Variants in ROPN1 observed in about 807,000 individuals in gnomAD.
ROPN1 encodes ropporin-1A.
ROPN1 carries 14 observed loss-of-function variants against 20.5 expected under a neutral mutation model. That is an observed-to-expected ratio of 0.68 (90% CI 0.45 to 1.07). ROPN1 has a LOEUF of 1.07. Ranked by LOEUF, ROPN1 falls within the 50% of genes least tolerant of loss-of-function variation. The pLI, the probability that ROPN1 is intolerant of heterozygous loss-of-function variation, is 0.00. For synonymous variants in ROPN1, 76 were observed against 95.7 expected, an observed-to-expected ratio of 0.79 and a Z score of 1.20; for missense variants, 169 against 242.8, an observed-to-expected ratio of 0.70 and a Z score of 2.02.
chr3:123,975,836 C>T (rs1369090485), intron 3 of ROPN1: 1 of 368,224 alleles, frequency 2.7e-6, no homozygotes, highest in African/African-American at 2.1e-5. Context: ...CTATTGTATT[C>T]CTAAATTGTT....
chr3:123,983,088 G>A (rs567127246), intron 1 of ROPN1, among the ~76,000 whole-genome samples: 1 of 152,044 alleles, frequency 6.6e-6, no homozygotes, highest in Non-Finnish European at 1.5e-5. Context: ...TGCACCACTG[G>A]CCCCAAGCTG....
chr3:123,979,642 T>C (rs1248551772), intron 2 of ROPN1: 1 of 372,278 alleles, frequency 2.7e-6, no homozygotes, highest in Admixed American at 3.7e-5. Flanking sequence ...AGGTCTCTCC[T>C]GAAAGAAGGC....
intron 2 of ROPN1, chr3:123,979,460 C>T: frequency 2.8e-6 from 1 of 356,186 alleles, no homozygotes; most frequent in South Asian, 2.1e-5. Context: ...GAAAATGGTC[C>T]GTGAGGTCTA....
At chr3:123,975,617 C>T (rs1279721569) in intron 3 of ROPN1, 77 bp from the exon 4 acceptor site, 2 of 613,546 alleles carry the variant, frequency 3.3e-6, no homozygotes, top group African/African-American at 4.5e-5. Flanking sequence ...ACCCTGTCCC[C>T]AGGCCAGGTC....
At chr3:123,972,686 T>C (rs1443403624) in intron 4 of ROPN1, among the ~76,000 whole-genome samples, 2 of 152,178 alleles carry the variant, frequency 1.3e-5, no homozygotes, top group Non-Finnish European at 2.9e-5. Flanking sequence ...AGAGTAAAAA[T>C]TCCTGTTACT....
intron 3 of ROPN1, among the ~76,000 whole-genome samples, chr3:123,976,283 C>T (rs2038020308): frequency 6.6e-6 from 1 of 152,166 alleles, no homozygotes; most frequent in African/African-American, 2.4e-5. Flanking sequence ...TCCTAAATCA[C>T]CCCAAACCGC....
At position 123,970,076 on chromosome 3, in the gene ROPN1, C is replaced by T. The variant is rs1553726073; in HGVS notation, c.538G>A (p.Val180Ile). 6.2e-7 allele frequency: 1 copy of T among 1,614,192 alleles called. No homozygotes were observed. The highest frequency in any genetic ancestry group is 8.5e-7 in the Non-Finnish European group (1 of 1,180,044). Residue 180 changes from valine to isoleucine, a missense_variant, in exon 5 of 6, where the codon GTC (valine) becomes ATC (isoleucine). By Grantham distance (29) the Val-to-Ile change is conservative. Around this residue, in one of 3 missense-constraint regions of ROPN1, gnomAD observed 82 missense variants for 100.1 expected, o/e 0.82. Transcript: ENST00000405845. Reference protein sequence around the residue: ...KVDGEISASHVSRMLNYMEQE... With the variant: ...KVDGEISASHISRMLNYMEQE... ...TCCATGTAGTTTAGCATCCTGCTGA[C>T]ATGTGATGCAGAGATCTCCCCATCC...
intron 1 of ROPN1, among the ~76,000 whole-genome samples, chr3:123,986,018 A>AAAAAT (rs201340337): frequency 0.019 from 1,744 of 93,920 alleles, 394 homozygotes; most frequent in African/African-American, 0.053. Flanking sequence ...AAAAAAAAAA[A>AAAAAT]TCAAAATATT....
chr3:123,973,590 C>G (rs2037955967), intron 4 of ROPN1, among the ~76,000 whole-genome samples: 1 of 152,192 alleles, frequency 6.6e-6, no homozygotes, highest in South Asian at 2.1e-4. Context: ...AACCTAGCAT[C>G]TACACCGTGG....
intron 2 of ROPN1, 176 bp downstream of exon 2, chr3:123,980,190 T>C: frequency 1.5e-6 from 1 of 649,930 alleles, no homozygotes. Flanking sequence ...CTTGCCCAGC[T>C]AGATGTAGCA....
At chr3:123,980,845 A>G (rs558106154) in intron 1 of ROPN1, 1 of 185,238 alleles carries the variant, frequency 5.4e-6, no homozygotes, top group Admixed American at 5.7e-5. Context: ...AAATAAGATT[A>G]TACAAAACAG....
chr3:123,976,797 T>C, intron 3 of ROPN1, 67 bp downstream of exon 3: 1 of 1,509,204 alleles, frequency 6.6e-7, no homozygotes, highest in Non-Finnish European at 9.0e-7. Context: ...AGAGGGCTTT[T>C]TGTCTGTACC....
At chr3:123,987,744 C>A (rs549778161) in intron 1 of ROPN1, among the ~76,000 whole-genome samples, 1 of 152,218 alleles carries the variant, frequency 6.6e-6, no homozygotes, top group Non-Finnish European at 1.5e-5. Flanking sequence ...TCCTACTTGA[C>A]CTTGTCCTTT....
chr3:123,988,658 C>G (rs2149004580), intron 1 of ROPN1, among the ~76,000 whole-genome samples: 1 of 152,238 alleles, frequency 6.6e-6, no homozygotes, highest in Non-Finnish European at 1.5e-5. Context: ...GCACTCTTGA[C>G]TGTGAGGCAG....
intron 2 of ROPN1, chr3:123,979,972 G>A: frequency 2.4e-6 from 1 of 408,398 alleles, no homozygotes; most frequent in Non-Finnish European, 4.4e-6. Context: ...ATCTAGTGGT[G>A]AGACAGGAGA....
At chr3:123,981,487 A>G (rs1468372863) in intron 1 of ROPN1, 1 of 153,568 alleles carries the variant, frequency 6.5e-6, no homozygotes, top group Non-Finnish European at 1.5e-5. Flanking sequence ...GGACTAAAGG[A>G]CTCCCCTTCT....
At chr3:123,978,062 G>C (rs2038060392) in intron 2 of ROPN1, among the ~76,000 whole-genome samples, 2 of 152,138 alleles carry the variant, frequency 1.3e-5, no homozygotes, top group Non-Finnish European at 2.9e-5. Context: ...AAATAATATA[G>C]AGGGAATTTT....
chr3:123,980,278 G>T, intron 2 of ROPN1, 88 bp downstream of exon 2: 2 of 1,224,990 alleles, frequency 1.6e-6, no homozygotes, highest in Non-Finnish European at 2.4e-6. Flanking sequence ...GGACTTCCTA[G>T]CTGCAGCCAT....
chr3:123,980,329 G>A, intron 2 of ROPN1, 37 bp downstream of exon 2: 1 of 1,604,054 alleles, frequency 6.2e-7, no homozygotes, highest in Non-Finnish European at 8.5e-7. Flanking sequence ...GTCTCCGGCC[G>A]TCCTCCAAGG....
Sources: gnomAD v4.1 joint callset for allele counts (sites outside exome capture counted in the v4.1 genomes callset) on GRCh38, gnomAD v4.1.1 for gene constraint, gnomAD v4.1.1 regional missense constraint, MANE v1.5 for transcripts, NCBI Gene and HGNC (gene_info 2026-07-23, HGNC 2026-07-21) for gene names.